Variants in WIPF1 observed in about 807,000 individuals in gnomAD.
WIPF1 encodes WAS/WASL-interacting protein family member 1.
Under a neutral mutation model 35.4 loss-of-function variants are expected in WIPF1, and 13 were observed. That is an observed-to-expected ratio of 0.37 (90% CI 0.24 to 0.58). The LOEUF (loss-of-function observed/expected upper bound fraction) is 0.58. WIPF1 is among the 20% of genes least tolerant of loss of function. The probability of loss-of-function intolerance (pLI) is 0.74; values close to 1 mark genes in which losing one functional copy is unlikely to be tolerated. For synonymous variants in WIPF1, 267 were observed against 266.3 expected (o/e 1.00, Z -0.02); for missense variants, 591 against 667.0 (o/e 0.89, Z 1.25).
chr2:174,639,656 G>A (rs982289155), intron 1 of WIPF1, among the ~76,000 whole-genome samples: 1 of 151,890 alleles, frequency 6.6e-6, no homozygotes, highest in African/African-American at 2.4e-5. Flanking sequence ...TCTCCCATTC[G>A]GTAGGTGATC....
In WIPF1 at chr2:174,561,925, G is replaced by C. The variant is rs1684494373; in HGVS notation, c.*622C>G. 14 of 811,960 alleles carry C rather than the reference G, an allele frequency of 1.7e-5. No individual in the cohort carries two copies. The South Asian group carries it at 2.8e-4, about 16-fold the overall frequency. The allele number at this position is 811,960 out of a possible 1,614,324, so 50.3% of individuals were successfully genotyped here. A position where few individuals can be genotyped will look rare whatever the true frequency, so the allele number is the denominator to read the frequency against. Reference sequence around the variant, plus strand: ...AAATATCTCATTAAAATTTTATGTTGATTACAGGTTGAAATATTTTGGATG... The same window carrying C: ...AAATATCTCATTAAAATTTTATGTTCATTACAGGTTGAAATATTTTGGATG... On this transcript the variant is annotated 3_prime_UTR_variant, in exon 8 of 8. Coordinates refer to ENST00000679041, the MANE Select transcript of WIPF1 (RefSeq NM_001375834.1).
intron 1 of WIPF1, among the ~76,000 whole-genome samples, chr2:174,642,718 T>C (rs1302964509): frequency 1.3e-5 from 2 of 148,760 alleles, no homozygotes; most frequent in Non-Finnish European, 2.9e-5. Context: ...GACATGATCA[T>C]AGCTTGCGGA....
chr2:174,562,406 C>A lies in WIPF1; in HGVS notation c.*141G>T. The A allele has an allele frequency of 6.6e-7, 1 of 1,519,330 alleles. No homozygotes were observed. Among genetic ancestry groups the A allele is most frequent in the Non-Finnish European group, 8.8e-7 (1 of 1,130,888 alleles). The allele number at this position is 1,519,330 out of a possible 1,614,324, so 94.1% of individuals were successfully genotyped here. A position where few individuals can be genotyped will look rare whatever the true frequency, so the allele number is the denominator to read the frequency against. On this transcript the variant is annotated 3_prime_UTR_variant, in exon 8 of 8. Transcript: ENST00000679041. Reference sequence around the variant, plus strand: ...CATTTCTTACCGATTCCCACCCACACACGCATATTCCCACTCCCCCTCCCA... The same window carrying A: ...CATTTCTTACCGATTCCCACCCACAAACGCATATTCCCACTCCCCCTCCCA...
rs181646443 is a variant in WIPF1, at chr2:174,561,996, G to C, written c.*551C>G. The C allele has an allele frequency of 3.5e-6, 5 of 1,427,770 alleles. No individual in the cohort carries two copies. The highest frequency in any genetic ancestry group is 4.3e-5 in the Admixed American group (2 of 46,490). 88.4% of individuals were successfully genotyped at this position (1,427,770 alleles called of 1,614,324 possible). On this transcript the variant is annotated 3_prime_UTR_variant, in exon 8 of 8. Coordinates refer to ENST00000679041, the MANE Select transcript of WIPF1 (RefSeq NM_001375834.1). ...AAAATATATTAGAAATGTAAAAATT[G>C]TATATGGGGCTCACATTATATTTCT... is the stretch of plus-strand genomic sequence containing the variant.
chr2:174,680,956 T>G (rs886714709), intron 1 of WIPF1, among the ~76,000 whole-genome samples: 1 of 152,230 alleles, frequency 6.6e-6, no homozygotes, highest in Non-Finnish European at 1.5e-5. Context: ...TGTAATGATA[T>G]GCCTAAGGGC....
At position 174,559,838 on chromosome 2, in the gene WIPF1, T is replaced by C. The variant is rs903759471; in HGVS notation, c.*2709A>G. 2.6e-5 allele frequency: 4 copies of C among 152,648 alleles called. No homozygotes were observed. The highest frequency in any genetic ancestry group is 5.9e-5 in the Non-Finnish European group (4 of 68,030). 9.5% of individuals were successfully genotyped at this position (152,648 alleles called of 1,614,324 possible). ...AAATAACAAAACTGGTATTACACTT[T>C]AAAATATAAAGACCTAACAGTTTTT... On this transcript the variant is annotated 3_prime_UTR_variant, in exon 8 of 8. Coordinates refer to ENST00000679041, the MANE Select transcript of WIPF1 (RefSeq NM_001375834.1).
chr2:174,633,930 A>G (rs1687105701), intron 1 of WIPF1, among the ~76,000 whole-genome samples: 1 of 152,198 alleles, frequency 6.6e-6, no homozygotes, highest in Non-Finnish European at 1.5e-5. Flanking sequence ...TGTGTTAGTA[A>G]AAGAAGGAAG....
chr2:174,659,778 G>A (rs547932016), intron 1 of WIPF1, among the ~76,000 whole-genome samples: 5 of 152,232 alleles, frequency 3.3e-5, no homozygotes, highest in South Asian at 4.2e-4. Flanking sequence ...AAAACCTAAC[G>A]ATTTCCCATC....
chr2:174,650,069 G>T (rs1687502326), intron 1 of WIPF1, among the ~76,000 whole-genome samples: 1 of 152,136 alleles, frequency 6.6e-6, no homozygotes, highest in Non-Finnish European at 1.5e-5. Flanking sequence ...AGTATTTGGG[G>T]TTTTGTCAAC....
chr2:174,600,157 AG>A (rs1406154692), upstream of WIPF1, among the ~76,000 whole-genome samples: 1 of 152,158 alleles, frequency 6.6e-6, no homozygotes, highest in Non-Finnish European at 1.5e-5. Flanking sequence ...CTGGTTCCTA[AG>A]GGGCCATAGA....
At chr2:174,599,171 G>A (rs1170301132), upstream of WIPF1, among the ~76,000 whole-genome samples, 1 of 152,302 alleles carries the variant, frequency 6.6e-6, no homozygotes, top group East Asian at 1.9e-4. Flanking sequence ...TTCAACTCAG[G>A]TAGCTGTTGG....
chr2:174,682,225 G>A lies in WIPF1; in HGVS notation c.-39+549C>T, dbSNP rs541079346. Among the ~76,000 whole-genome samples the A allele has an allele frequency of 2.0e-5, 3 of 152,336 alleles. No homozygotes were observed. In the East Asian group the frequency reaches 5.8e-4, roughly 30 times the overall value. On this transcript the variant is annotated intron_variant, in intron 1 of 8. Transcript: ENST00000272746. ...CTAACGCGCGCGTCTACGCCGACCTGGGGCGAGCGGGCCGCCCGGGAGGGC... is the reference window on the plus strand; with the variant it reads ...CTAACGCGCGCGTCTACGCCGACCTAGGGCGAGCGGGCCGCCCGGGAGGGC...
At chr2:174,674,253 CTTTATGTAATTCAGCACAA>C (rs1193785312) in intron 1 of WIPF1, among the ~76,000 whole-genome samples, 2 of 152,206 alleles carry the variant, frequency 1.3e-5, no homozygotes, top group Non-Finnish European at 2.9e-5. Flanking sequence ...ACTTTTTCCT[CTTTATGTAATTCAGCACAA>C]TTTATAACTA....
At chr2:174,562,847 TTTC>T (rs2105784595) in intron 7 of WIPF1, among the ~76,000 whole-genome samples, 1 of 152,300 alleles carries the variant, frequency 6.6e-6, no homozygotes, top group African/African-American at 2.4e-5. Context: ...AAAAAATCAT[TTTC>T]TTCTTATCAC....
At position 174,590,550 on chromosome 2, in the gene WIPF1, G is replaced by C. The variant is rs1056346852; in HGVS notation, c.-38-4939C>G. ...TGGAGATGGGAGCATGGCAGGAAAG[G>C]CAGCTGATTCGGGTGCAGGAGAGAC... On this transcript the variant is annotated intron_variant, in intron 1 of 7. Transcript: ENST00000679041. The surrounding 1 kb of genome is among the most constrained non-coding windows in gnomAD (Gnocchi z 4.6). Among the ~76,000 whole-genome samples the C allele has an allele frequency of 5.3e-5, 8 of 152,222 alleles. No individual in the cohort carries two copies. Among genetic ancestry groups the C allele is most frequent in the South Asian group, 2.1e-4 (1 of 4,834 alleles).
intron 1 of WIPF1, among the ~76,000 whole-genome samples, chr2:174,593,068 TG>T (rs1325066090): frequency 2.6e-5 from 4 of 151,028 alleles, no homozygotes; most frequent in African/African-American, 7.3e-5. Flanking sequence ...TATACAAAGA[TG>T]AAAAAAAAAA....
intron 1 of WIPF1, among the ~76,000 whole-genome samples, chr2:174,594,193 C>T (rs992674138): frequency 1.3e-5 from 2 of 152,216 alleles, no homozygotes; most frequent in African/African-American, 4.8e-5. Context: ...TCTGCTGAAC[C>T]TAGAAATGCT....
upstream of WIPF1, among the ~76,000 whole-genome samples, chr2:174,602,668 T>C (rs1471405230): frequency 6.6e-6 from 1 of 152,208 alleles, no homozygotes; most frequent in East Asian, 1.9e-4. Flanking sequence ...CACCACATAA[T>C]TATCAGTACA....
At chr2:174,655,644 C>T (rs1394530970) in intron 1 of WIPF1, 1 of 152,228 alleles carries the variant, frequency 6.6e-6, no homozygotes, top group Non-Finnish European at 1.5e-5. Context: ...CTTCTTCAAC[C>T]ATCTCCACAG....
Sources: gnomAD v4.1 joint callset for allele counts (sites outside exome capture counted in the v4.1 genomes callset) on GRCh38, gnomAD v4.1.1 for gene constraint, Gnocchi (gnomAD v3.1) non-coding constraint, MANE v1.5 for transcripts, NCBI Gene and HGNC (gene_info 2026-07-23, HGNC 2026-07-21) for gene names.